The following GRAMD1C variants were observed in gnomAD, a reference collection of about 807,000 sequenced individuals.
GRAMD1C encodes protein Aster-C.
In GRAMD1C, 89 loss-of-function variants were observed where a neutral mutation model predicts 97.8. That is an observed-to-expected ratio of 0.91 (90% CI 0.77 to 1.09). The LOEUF (loss-of-function observed/expected upper bound fraction) is 1.09, where lower values mean the gene tolerates loss of function less well. GRAMD1C is among the 50% of genes least tolerant of loss of function. The probability of loss-of-function intolerance (pLI) is 0.00; values close to 1 mark genes in which losing one functional copy is unlikely to be tolerated. For synonymous variants in GRAMD1C, 256 were observed against 267.0 expected, an observed-to-expected ratio of 0.96 and a Z score of 0.40; for missense variants, 740 against 766.4, an observed-to-expected ratio of 0.97 and a Z score of 0.41.
chr3:113,915,806 T>C lies in GRAMD1C; in HGVS notation c.1058T>C (p.Met353Thr), dbSNP rs1936791461. ...TTGCTCTTTACCAGTTCACGCTTTA[T>C]GCAGAAATTTGCCAGTTCTAGAAAT... is the stretch of plus-strand genomic sequence containing the variant. Reference protein sequence around the residue: ...FELLFTSSRFMQKFASSRNII... With the variant: ...FELLFTSSRFTQKFASSRNII... The change falls in exon 10 of 18, where the codon ATG becomes ACG. Residue 353 changes from methionine (M) to threonine (T), a missense_variant. Transcript: ENST00000358160. 6.2e-7 allele frequency: 1 copy of C among 1,611,834 alleles called. No individual in the cohort carries two copies.
At chr3:113,828,725 T>A (rs1378671489) in intron 1 of GRAMD1C, among the ~76,000 whole-genome samples, 2 of 152,170 alleles carry the variant, frequency 1.3e-5, no homozygotes, top group Non-Finnish European at 2.9e-5. Flanking sequence ...ACCCTACTCT[T>A]TCTGCACTTG....
upstream of GRAMD1C, among the ~76,000 whole-genome samples, chr3:113,835,413 A>T (rs749632027): frequency 2.6e-5 from 4 of 152,252 alleles, no homozygotes; most frequent in Non-Finnish European, 5.9e-5. Context: ...AGCTGTAGTT[A>T]GACAACATTG....
chr3:113,873,092 CAAAA>C (rs576155098), intron 3 of GRAMD1C, among the ~76,000 whole-genome samples: 12 of 35,750 alleles, frequency 3.4e-4, no homozygotes, highest in Non-Finnish European at 5.8e-4. Flanking sequence ...GACTCCATCT[CAAAA>C]AAAAAAAAAA....
chr3:113,891,654 G>T (rs1358000029), intron 6 of GRAMD1C, among the ~76,000 whole-genome samples: 1 of 151,888 alleles, frequency 6.6e-6, no homozygotes, highest in African/African-American at 2.4e-5. Flanking sequence ...GCTGAGGTGG[G>T]AGGATTGCTT....
In GRAMD1C at chr3:113,838,897, G is replaced by T. The variant is rs1250579921; in HGVS notation, c.-13G>T. 4.9e-6 allele frequency: 6 copies of T among 1,232,250 alleles called. No homozygotes were observed. In the Admixed American group the frequency reaches 1.7e-4, roughly 35 times the overall value. 76.3% of individuals were successfully genotyped at this position (1,232,250 alleles called of 1,614,324 possible). A position where few individuals can be genotyped will look rare whatever the true frequency, so the allele number is the denominator to read the frequency against. ...GCGCGCGGGGCGGTGCCGCGGCGGC[G>T]GAGGGAGCCGCGATGGAGGGCGCTC... On this transcript the variant is annotated 5_prime_UTR_variant, in exon 1 of 18. Coordinates refer to ENST00000358160, the MANE Select transcript of GRAMD1C (RefSeq NM_017577.5).
In GRAMD1C at chr3:113,913,649, G is replaced by T. The variant is rs16861411; in HGVS notation, c.953-2052G>T. ...ATATGTAACATTCAGACCTCTGTTTGGGGAGTTTTATTTAAAGTGTATGGC... is the reference window on the plus strand; with the variant it reads ...ATATGTAACATTCAGACCTCTGTTTTGGGAGTTTTATTTAAAGTGTATGGC... On this transcript the variant is annotated intron_variant, in intron 9 of 17. Transcript: ENST00000358160. 5.7e-3 allele frequency among the ~76,000 whole-genome samples: 869 copies of T among 152,156 alleles called. 6 individuals carry two copies. Among genetic ancestry groups the T allele is most frequent in the Middle Eastern group, 0.017 (5 of 294 alleles).
chr3:113,896,396 G>A (rs12152470), intron 6 of GRAMD1C, among the ~76,000 whole-genome samples: 28,868 of 151,852 alleles, frequency 0.19, 2,905 homozygotes, highest in Non-Finnish European at 0.23. Context: ...TGTGTGTTGG[G>A]CTTTCTTGGG....
At chr3:113,923,187 G>T (rs1366334112) in intron 10 of GRAMD1C, among the ~76,000 whole-genome samples, 1 of 152,000 alleles carries the variant, frequency 6.6e-6, no homozygotes, top group African/African-American at 2.4e-5. Context: ...ACACTATGGG[G>T]TTTTCTAGGT....
chr3:113,849,234 G>A (rs951762453), intron 2 of GRAMD1C, among the ~76,000 whole-genome samples: 1 of 151,696 alleles, frequency 6.6e-6, no homozygotes, highest in African/African-American at 2.4e-5. Context: ...TTTTTTAATA[G>A]AAGTAATAGT....
At chr3:113,897,619 TA>T in intron 6 of GRAMD1C, 1 of 983,940 alleles carries the variant, frequency 1.0e-6, no homozygotes, top group Non-Finnish European at 1.2e-6. Context: ...AAGCAGTGAT[TA>T]TTTTTACATA....
intron 6 of GRAMD1C, chr3:113,885,296 G>C (rs1366769125): frequency 6.6e-7 from 1 of 1,523,116 alleles, no homozygotes; most frequent in African/African-American, 1.4e-5. Context: ...GGGGTCATCC[G>C]GATGGTGCGG....
intron 2 of GRAMD1C, among the ~76,000 whole-genome samples, chr3:113,857,483 C>T (rs533329863): frequency 6.6e-6 from 1 of 151,640 alleles, no homozygotes; most frequent in Admixed American, 6.6e-5. Flanking sequence ...TCACACCATT[C>T]TCCTGCCTCA....
chr3:113,864,655 C>T (rs1390553352), intron 2 of GRAMD1C, among the ~76,000 whole-genome samples: 2 of 152,144 alleles, frequency 1.3e-5, no homozygotes, highest in Non-Finnish European at 2.9e-5. Context: ...AGATATTCCT[C>T]ATTTCCATCA....
chr3:113,897,692 A>G (rs1311342858), intron 6 of GRAMD1C: 8 of 982,328 alleles, frequency 8.1e-6, no homozygotes, highest in African/African-American at 7.0e-5. Context: ...TAGAATACAC[A>G]GCTTTCTGGG....
At chr3:113,927,590 G>T (rs888935544) in intron 10 of GRAMD1C, among the ~76,000 whole-genome samples, 1 of 152,166 alleles carries the variant, frequency 6.6e-6, no homozygotes, top group Non-Finnish European at 1.5e-5. Context: ...TGCTGTCTGG[G>T]TACTTCCTAG....
At chr3:113,869,087 C>A (rs1934692852) in intron 2 of GRAMD1C, among the ~76,000 whole-genome samples, 1 of 152,020 alleles carries the variant, frequency 6.6e-6, no homozygotes, top group Non-Finnish European at 1.5e-5. Context: ...TGTTCCCACC[C>A]CCAAAGAACT....
chr3:113,889,481 A>G (rs1935633353), intron 6 of GRAMD1C, among the ~76,000 whole-genome samples: 2 of 152,196 alleles, frequency 1.3e-5, no homozygotes, highest in South Asian at 2.1e-4. Flanking sequence ...GTGTCCTGAA[A>G]TTAGCGGTGA....
intron 6 of GRAMD1C, among the ~76,000 whole-genome samples, chr3:113,898,826 T>C (rs1936035823): frequency 6.6e-6 from 1 of 152,200 alleles, no homozygotes; most frequent in African/African-American, 2.4e-5. Flanking sequence ...TTTGAAATAT[T>C]ATCTGATAAT....
chr3:113,848,833 A>C (rs960592266), intron 2 of GRAMD1C, among the ~76,000 whole-genome samples: 1 of 152,208 alleles, frequency 6.6e-6, no homozygotes, highest in African/African-American at 2.4e-5. Flanking sequence ...TAAAAATTTA[A>C]TTCTGTATGT....
Sources: allele counts gnomAD v4.1 joint callset (sites outside exome capture counted in the v4.1 genomes callset), GRCh38; gene constraint gnomAD v4.1.1; transcripts MANE v1.5; gene names NCBI Gene and HGNC (gene_info 2026-07-23, HGNC 2026-07-21).